Variants in SMTN observed in about 807,000 individuals in gnomAD.
The protein encoded by SMTN is smoothelin.
SMTN carries 58 observed loss-of-function variants against 102.0 expected under a neutral mutation model. That is an observed-to-expected ratio of 0.57 (90% CI 0.46 to 0.71). SMTN has a LOEUF of 0.71. SMTN is among the 30% of genes least tolerant of loss of function. The pLI, the probability that SMTN is intolerant of heterozygous loss-of-function variation, is 0.00. For synonymous variants in SMTN, 478 were observed against 497.9 expected (o/e 0.96, Z 0.53); for missense variants, 1,185 against 1,241.7 (o/e 0.95, Z 0.69).
At chr22:31,084,929 G>A (rs1319816989) in intron 2 of SMTN, 9 of 1,346,130 alleles carry the variant, frequency 6.7e-6, no homozygotes, top group Non-Finnish European at 8.6e-6. Context: ...GTCCCGAGCC[G>A]GGCTCCTCCC....
At chr22:31,085,174 C>A (rs1281295699) in intron 2 of SMTN, 1 of 1,535,422 alleles carries the variant, frequency 6.5e-7, no homozygotes. Context: ...TCGACCTCCG[C>A]CACTCAGCTG....
chr22:31,077,239 T>A (rs1191010288), upstream of SMTN, among the ~76,000 whole-genome samples: 7 of 151,958 alleles, frequency 4.6e-5, no homozygotes, highest in Non-Finnish European at 1.0e-4. Flanking sequence ...GAGACCCTTG[T>A]CTCTACAAAA....
At chr22:31,074,272 G>A (rs183875538) in intron 1 of SMTN, among the ~76,000 whole-genome samples, 6 of 152,140 alleles carry the variant, frequency 3.9e-5, no homozygotes, top group African/African-American at 1.4e-4. Context: ...CCAGCTACTC[G>A]GGAGGCTGAG....
chr22:31,073,260 C>T (rs1396620287), intron 1 of SMTN, among the ~76,000 whole-genome samples: 1 of 152,106 alleles, frequency 6.6e-6, no homozygotes, highest in East Asian at 1.9e-4. Flanking sequence ...CATACACACG[C>T]ACGCACGCAT....
At chr22:31,092,662 A>G in intron 11 of SMTN, 1 of 427,172 alleles carries the variant, frequency 2.3e-6, no homozygotes, top group Non-Finnish European at 5.0e-6. Context: ...CTTTCCAAAA[A>G]AGCAGGATCC....
intron 1 of SMTN, among the ~76,000 whole-genome samples, chr22:31,072,610 C>T (rs1461932713): frequency 2.0e-5 from 3 of 152,130 alleles, no homozygotes; most frequent in African/African-American, 7.2e-5. Context: ...TACAGGTGCC[C>T]GCCACCACGC....
chr22:31,088,089 A>G lies in SMTN; in HGVS notation c.176A>G (p.Gln59Arg), dbSNP rs779031971. The G allele has an allele frequency of 6.2e-7, 1 of 1,606,044 alleles. No homozygotes were observed. Among genetic ancestry groups the G allele is most frequent in the South Asian group, 1.1e-5 (1 of 90,482 alleles). ...TCCAAGCGTTTCCGTGCCGAGCGGC[A>G]GGACAACAAGGAGAACTGGCTGCAG... ...LASKRFRAERQDNKENWLHSQ... is the reference protein window; with the variant it reads ...LASKRFRAERRDNKENWLHSQ... The change falls in exon 3 of 21, where the codon CAG becomes CGG. Residue 59 changes from glutamine to arginine, a missense_variant. Coordinates refer to ENST00000333137, the MANE Select transcript of SMTN (RefSeq NM_134269.3).
chr22:31,097,413 A>G, intron 16 of SMTN, 75 bp downstream of exon 16: 3 of 1,361,480 alleles, frequency 2.2e-6, no homozygotes, highest in Non-Finnish European at 3.2e-6. Context: ...CCCGTTTTAC[A>G]GAGGGGTGGG....
intron 1 of SMTN, chr22:31,082,397 G>C (rs1044395446): frequency 8.9e-5 from 37 of 415,970 alleles, no homozygotes; most frequent in African/African-American, 7.0e-4. Flanking sequence ...AGGGCACTTT[G>C]GAAGGGAGCT....
chr22:31,073,777 C>A (rs1450452594), intron 1 of SMTN, among the ~76,000 whole-genome samples: 1 of 152,216 alleles, frequency 6.6e-6, no homozygotes, highest in African/African-American at 2.4e-5. Flanking sequence ...CTTAAAACAG[C>A]AACCGTTTTT....
intron 20 of SMTN, 35 bp from the exon 21 acceptor site, chr22:31,104,281 G>A (rs778359532): frequency 1.2e-6 from 2 of 1,606,744 alleles, no homozygotes; most frequent in Non-Finnish European, 1.7e-6. Context: ...GGCGGGTCTG[G>A]CGCTGACATC....
At chr22:31,098,641 C>T (rs1323887977) in intron 16 of SMTN, 26 bp from the exon 17 acceptor site, 2 of 1,609,648 alleles carry the variant, frequency 1.2e-6, no homozygotes, top group Non-Finnish European at 1.7e-6. Context: ...CTCTCCCTGC[C>T]TAACATGCGC....
intron 2 of SMTN, among the ~76,000 whole-genome samples, chr22:31,086,284 C>T (rs1194629360): frequency 2.0e-5 from 3 of 152,200 alleles, no homozygotes; most frequent in African/African-American, 7.2e-5. Flanking sequence ...CTAGGGCAGG[C>T]CCTGGAGTCA....
chr22:31,064,955 T>C (rs1280724071), intron 1 of SMTN: 1 of 152,246 alleles, frequency 6.6e-6, no homozygotes. Flanking sequence ...CATTTAGTTG[T>C]AATGTCTTCT....
At chr22:31,094,977 G>A (rs1195546455) in intron 11 of SMTN, among the ~76,000 whole-genome samples, 1 of 152,194 alleles carries the variant, frequency 6.6e-6, no homozygotes, top group Non-Finnish European at 1.5e-5. Context: ...ATGAGCCACT[G>A]CGCCCGGCCT....
upstream of SMTN, among the ~76,000 whole-genome samples, chr22:31,077,400 A>C (rs543386042): frequency 3.9e-3 from 590 of 152,022 alleles, 6 homozygotes; most frequent in African/African-American, 0.013. Context: ...CAAAACAAAA[A>C]AAAAAACAAC....
chr22:31,101,087 C>T (rs1373140726), intron 20 of SMTN, 38 bp downstream of exon 20: 2 of 1,552,300 alleles, frequency 1.3e-6, no homozygotes, highest in African/African-American at 2.7e-5. Flanking sequence ...CCCGTTTCAC[C>T]AGAATCTGCT....
At chr22:31,088,832 C>A in intron 5 of SMTN, 40 bp from the exon 6 acceptor site, 1 of 1,608,808 alleles carries the variant, frequency 6.2e-7, no homozygotes. Flanking sequence ...TCCACAGCAC[C>A]TCCCTGTCAC....
upstream of SMTN, among the ~76,000 whole-genome samples, chr22:31,080,187 G>A (rs911286046): frequency 1.3e-5 from 2 of 152,118 alleles, no homozygotes; most frequent in Admixed American, 6.5e-5. Context: ...GGGGCTGGGG[G>A]GTGTCACAGA....
Sources: allele counts gnomAD v4.1 joint callset (sites outside exome capture counted in the v4.1 genomes callset), GRCh38; gene constraint gnomAD v4.1.1; transcripts MANE v1.5; gene names NCBI Gene and HGNC (gene_info 2026-07-23, HGNC 2026-07-21).